Variants in UNC5D observed in about 807,000 individuals in gnomAD.
The protein encoded by UNC5D is unc-5 netrin receptor D.
UNC5D carries 39 observed loss-of-function variants against 105.4 expected under a neutral mutation model. The ratio of observed to expected loss-of-function variants is 0.37; its 90% CI spans 0.29 to 0.48. UNC5D has a LOEUF of 0.48. UNC5D is among the 20% of genes least tolerant of loss of function. The pLI is 0.98. For synonymous variants in UNC5D, 452 were observed against 450.4 expected, an observed-to-expected ratio of 1.00 and a Z score of -0.04; for missense variants, 991 against 1,202.4, an observed-to-expected ratio of 0.82 and a Z score of 2.60.
chr8:35,540,349 C>T (rs1364390405), intron 1 of UNC5D, among the ~76,000 whole-genome samples: 6 of 151,236 alleles, frequency 4.0e-5, no homozygotes, highest in Non-Finnish European at 8.8e-5. Context: ...TTCCCTGATA[C>T]GTGGATTTTA....
At chr8:35,290,233 A>G (rs967869207) in intron 1 of UNC5D, among the ~76,000 whole-genome samples, 1 of 152,228 alleles carries the variant, frequency 6.6e-6, no homozygotes, top group African/African-American at 2.4e-5. Context: ...TAGCTGAGAT[A>G]TGGAAGCAAC....
chr8:35,251,505 G>T (rs1408736201), intron 1 of UNC5D, among the ~76,000 whole-genome samples: 2 of 152,152 alleles, frequency 1.3e-5, no homozygotes, highest in African/African-American at 4.8e-5. Context: ...CCCTTTGCAT[G>T]AGTGAAATTG....
At chr8:35,477,326 A>G (rs1810175564) in intron 1 of UNC5D, among the ~76,000 whole-genome samples, 1 of 151,088 alleles carries the variant, frequency 6.6e-6, no homozygotes, top group Admixed American at 6.6e-5. Context: ...GACTCATAGT[A>G]TTTTATTTTT....
At chr8:35,397,020 C>T (rs1193949378) in intron 1 of UNC5D, among the ~76,000 whole-genome samples, 1 of 152,012 alleles carries the variant, frequency 6.6e-6, no homozygotes, top group Non-Finnish European at 1.5e-5. Context: ...AATTCTCCTG[C>T]CTTAGCCTCC....
At chr8:35,705,419 C>G (rs567693548) in intron 7 of UNC5D, among the ~76,000 whole-genome samples, 4 of 152,172 alleles carry the variant, frequency 2.6e-5, no homozygotes, top group Non-Finnish European at 4.4e-5. Context: ...ACAAAACTAA[C>G]GTGTTCACCG....
chr8:35,753,143 C>T (rs1830361628), intron 13 of UNC5D, among the ~76,000 whole-genome samples: 1 of 152,170 alleles, frequency 6.6e-6, no homozygotes, highest in Non-Finnish European at 1.5e-5. Context: ...ATGAAAACAC[C>T]ATAACCATAG....
Position 35,792,598 on chromosome 8 carries a change from A to G in UNC5D, c.*2035A>G, listed in dbSNP as rs1803092158. On this transcript the variant is annotated 3_prime_UTR_variant, in exon 17 of 17. Transcript: ENST00000404895. ...GCATCACTGATAGAATTTCTGAAAGAGAAAGAGAAGTAGATGGTCAACCAG... is the reference window on the plus strand; with the variant it reads ...GCATCACTGATAGAATTTCTGAAAGGGAAAGAGAAGTAGATGGTCAACCAG... The G allele has an allele frequency of 6.4e-6, 1 of 155,646 alleles. No homozygotes were observed. The highest frequency in any genetic ancestry group is 1.4e-5 in the Non-Finnish European group (1 of 70,570). 9.6% of individuals were successfully genotyped at this position (155,646 alleles called of 1,614,324 possible).
intron 1 of UNC5D, among the ~76,000 whole-genome samples, chr8:35,263,786 C>T (rs1804648050): frequency 6.6e-6 from 1 of 152,158 alleles, no homozygotes; most frequent in South Asian, 2.1e-4. Flanking sequence ...TCAAATCCTC[C>T]TGGATGATCA....
chr8:35,515,211 G>A (rs903539973), intron 1 of UNC5D, among the ~76,000 whole-genome samples: 2 of 152,140 alleles, frequency 1.3e-5, no homozygotes, highest in African/African-American at 4.8e-5. Flanking sequence ...TGAATTAATT[G>A]CCTGAAATTA....
intron 4 of UNC5D, among the ~76,000 whole-genome samples, chr8:35,679,311 G>A (rs1175589988): frequency 6.6e-6 from 1 of 152,082 alleles, no homozygotes; most frequent in African/African-American, 2.4e-5. Flanking sequence ...AGCAGGAAGG[G>A]GTGGGGTTTA....
chr8:35,405,502 A>T (rs918588418), intron 1 of UNC5D, among the ~76,000 whole-genome samples: 4 of 152,190 alleles, frequency 2.6e-5, no homozygotes, highest in Non-Finnish European at 4.4e-5. Flanking sequence ...CAATAGCAAT[A>T]TAGATTTAAT....
intron 11 of UNC5D, among the ~76,000 whole-genome samples, chr8:35,733,715 C>G (rs1027416325): frequency 6.6e-6 from 1 of 152,088 alleles, no homozygotes; most frequent in Non-Finnish European, 1.5e-5. Flanking sequence ...GAGTTACAGC[C>G]CCAATATATC....
chr8:35,450,697 A>G (rs1044615383), intron 1 of UNC5D, among the ~76,000 whole-genome samples: 2 of 152,204 alleles, frequency 1.3e-5, no homozygotes, highest in African/African-American at 4.8e-5. Context: ...CTGAATTACA[A>G]TGGGACAACT....
intron 1 of UNC5D, among the ~76,000 whole-genome samples, chr8:35,304,049 TGACTTC>T (rs1364861931): frequency 1.3e-5 from 2 of 152,180 alleles, no homozygotes; most frequent in African/African-American, 4.8e-5. Context: ...CCATGAGATT[TGACTTC>T]TAAAACAAAG....
In UNC5D at chr8:35,796,383, T is replaced by C. The variant is rs1803254309; in HGVS notation, c.*5820T>C. 6.7e-6 allele frequency: 1 copy of C among 149,192 alleles called. No homozygotes were observed. Among genetic ancestry groups the C allele is most frequent in the Non-Finnish European group, 1.5e-5 (1 of 67,726 alleles). 9.2% of individuals were successfully genotyped at this position (149,192 alleles called of 1,614,324 possible). A position where few individuals can be genotyped will look rare whatever the true frequency, so the allele number is the denominator to read the frequency against. Reference sequence around the variant, plus strand: ...GGTAATGCCAAACAGCTCTGTTATATTGTATTGAACAAAATGGACGGTTTG... The same window carrying C: ...GGTAATGCCAAACAGCTCTGTTATACTGTATTGAACAAAATGGACGGTTTG... On this transcript the variant is annotated 3_prime_UTR_variant, in exon 17 of 17. Transcript: ENST00000404895.
chr8:35,334,705 G>A (rs1349905507), intron 1 of UNC5D, among the ~76,000 whole-genome samples: 1 of 151,858 alleles, frequency 6.6e-6, no homozygotes, highest in Admixed American at 6.6e-5. Context: ...GTAGAGACGG[G>A]GTTTCACCAT....
At chr8:35,724,396 A>C in intron 9 of UNC5D, 1 of 1,272,684 alleles carries the variant, frequency 7.9e-7, no homozygotes, top group Non-Finnish European at 1.1e-6. Flanking sequence ...TGAGCAATAC[A>C]TCCAGTGCCC....
At chr8:35,372,697 G>A (rs1180364193) in intron 1 of UNC5D, among the ~76,000 whole-genome samples, 2 of 151,850 alleles carry the variant, frequency 1.3e-5, no homozygotes, top group Admixed American at 6.6e-5. Flanking sequence ...TTGAATTTAT[G>A]AGCTGAAGAA....
intron 1 of UNC5D, among the ~76,000 whole-genome samples, chr8:35,314,103 T>C (rs1753821706): frequency 6.6e-6 from 1 of 152,192 alleles, no homozygotes; most frequent in Admixed American, 6.5e-5. Context: ...ACTAAACAGA[T>C]GGCTTTTGAG....
Sources: allele counts gnomAD v4.1 joint callset (sites outside exome capture counted in the v4.1 genomes callset), GRCh38; gene constraint gnomAD v4.1.1; transcripts MANE v1.5; gene names NCBI Gene and HGNC (gene_info 2026-07-23, HGNC 2026-07-21).